Variants in KIAA0232 observed in about 807,000 individuals in gnomAD.
KIAA0232 encodes the protein uncharacterized protein KIAA0232.
Under a neutral mutation model 122.0 loss-of-function variants are expected in KIAA0232, and 27 were observed. The observed-to-expected ratio is 0.22, with a 90% CI of 0.16 to 0.31. The LOEUF (loss-of-function observed/expected upper bound fraction) is 0.31. KIAA0232 is among the 10% of genes least tolerant of loss of function. KIAA0232 has a pLI of 1.00. For synonymous variants in KIAA0232, 613 were observed against 587.6 expected (o/e 1.04, Z -0.63); for missense variants, 1,551 against 1,634.2 (o/e 0.95, Z 0.88).
At chr4:6,787,891 T>C (rs190038762) in intron 1 of KIAA0232, among the ~76,000 whole-genome samples, 85 of 152,342 alleles carry the variant, frequency 5.6e-4, no homozygotes, top group African/African-American at 1.6e-3. Flanking sequence ...TTATGGGCTT[T>C]CTCCTCCCAA....
At chr4:6,845,982 T>G (rs1385006276) in intron 4 of KIAA0232, among the ~76,000 whole-genome samples, 1 of 152,132 alleles carries the variant, frequency 6.6e-6, no homozygotes, top group Admixed American at 6.5e-5. Flanking sequence ...CTTTGATTCT[T>G]TAGGTTATTG....
At position 6,882,645 on chromosome 4, in the gene KIAA0232, TGTGCGCGC is replaced by T. The variant is rs1000911212; in HGVS notation, c.*1689_*1696del. On this transcript the variant is annotated 3_prime_UTR_variant, in exon 10 of 10. Coordinates refer to ENST00000307659, the MANE Select transcript of KIAA0232 (RefSeq NM_014743.3). ...GGGTGGGTGTGTGTGTGTGTGTGTG[TGTGCGCGC>T]GTGCGCGCGCGCATGTGTAAGGTTT... 11 of 152,104 alleles carry T rather than the reference TGTGCGCGC, an allele frequency of 7.2e-5. No individual in the cohort carries two copies. The highest frequency in any genetic ancestry group is 1.5e-4 in the African/African-American group (6 of 41,292). The allele number at this position is 152,104 out of a possible 1,614,324, so 9.4% of individuals were successfully genotyped here.
chr4:6,863,610 C>G lies in KIAA0232; in HGVS notation c.3228C>G (p.Leu1076=). 1 of 1,614,202 alleles carries G rather than the reference C, an allele frequency of 6.2e-7. No individual in the cohort carries two copies. Among genetic ancestry groups the G allele is most frequent in the Non-Finnish European group, 8.5e-7 (1 of 1,180,032 alleles). Residue 1076 remains leucine (L), a synonymous_variant, in exon 7 of 10, where the codon CTC becomes CTG. Coordinates refer to ENST00000307659, the MANE Select transcript of KIAA0232 (RefSeq NM_014743.3). ...CCAGTTTTAAACCGAAATCAATCCT[C>G]TGTTCTGATTCAGACAGTGAAGTGT... The part of the protein sequence containing the change: ...FSPSFKPKSI[L]CSDSDSEVFH...
In KIAA0232 at chr4:6,855,085, A is replaced by AT. The variant is rs996496221; in HGVS notation, c.370-2070dup. On this transcript the variant is annotated intron_variant, in intron 4 of 9. Transcript: ENST00000307659. The surrounding 1 kb of genome is among the most constrained non-coding windows in gnomAD (Gnocchi z 4.3). Reference sequence around the variant, plus strand: ...CATGATTTTTTATTTTTTATTTTTTATTTTTTTTTATTTTTTTGAGACCGA... The same window carrying AT: ...CATGATTTTTTATTTTTTATTTTTTATTTTTTTTTTATTTTTTTGAGACCGA... 1.7e-4 allele frequency among the ~76,000 whole-genome samples: 26 copies of AT among 149,610 alleles called. No homozygotes were observed. The highest frequency in any genetic ancestry group is 5.2e-4 in the African/African-American group (21 of 40,600).
intron 1 of KIAA0232, among the ~76,000 whole-genome samples, chr4:6,802,872 A>G (rs913686457): frequency 1.3e-5 from 2 of 152,014 alleles, no homozygotes; most frequent in Non-Finnish European, 1.5e-5. Flanking sequence ...ATATGAGTGC[A>G]TATAGCTGGG....
intron 3 of KIAA0232, among the ~76,000 whole-genome samples, chr4:6,833,860 C>T (rs879930134): frequency 2.0e-5 from 3 of 152,152 alleles, no homozygotes; most frequent in African/African-American, 4.8e-5. Context: ...ACCAAAAGTT[C>T]CTTTAATACC....
intron 9 of KIAA0232, among the ~76,000 whole-genome samples, chr4:6,879,416 C>A (rs1721934132): frequency 6.6e-6 from 1 of 152,208 alleles, no homozygotes; most frequent in African/African-American, 2.4e-5. Flanking sequence ...CATGATGTCA[C>A]TTTGCTGTTG....
intron 3 of KIAA0232, among the ~76,000 whole-genome samples, chr4:6,838,726 G>GTTT: frequency 8.0e-6 from 1 of 124,256 alleles, no homozygotes; most frequent in South Asian, 2.5e-4. Context: ...TTTCAAAGCA[G>GTTT]CTTTTTTTTT....
chr4:6,820,332 T>C (rs577827820), intron 2 of KIAA0232, among the ~76,000 whole-genome samples: 16 of 152,294 alleles, frequency 1.1e-4, no homozygotes, highest in African/African-American at 3.6e-4. Flanking sequence ...AGCTGGCATG[T>C]TTAGGCTACA....
intron 3 of KIAA0232, among the ~76,000 whole-genome samples, chr4:6,830,169 C>T (rs1277514131): frequency 6.6e-6 from 1 of 152,108 alleles, no homozygotes; most frequent in East Asian, 1.9e-4. Context: ...TTTCCATTCA[C>T]GGTAACTCAT....
intron 2 of KIAA0232, among the ~76,000 whole-genome samples, chr4:6,810,521 A>G (rs1443239318): frequency 6.6e-6 from 1 of 152,208 alleles, no homozygotes; most frequent in Non-Finnish European, 1.5e-5. Context: ...TGATATAGGC[A>G]AAGAATCAGT....
intron 2 of KIAA0232, among the ~76,000 whole-genome samples, chr4:6,810,235 G>A (rs1717816001): frequency 1.3e-5 from 2 of 152,172 alleles, no homozygotes; most frequent in African/African-American, 4.8e-5. Flanking sequence ...TAGATGTATA[G>A]ACAATGGCAC....
intron 4 of KIAA0232, among the ~76,000 whole-genome samples, chr4:6,852,758 G>A (rs146014164): frequency 6.6e-6 from 1 of 152,366 alleles, no homozygotes; most frequent in African/African-American, 2.4e-5. Context: ...TGTGATGGCA[G>A]GTGGAGCTGA....
Position 6,884,051 on chromosome 4 carries a change from GTTTA to G in KIAA0232, c.*3088_*3091del, listed in dbSNP as rs1364633655. ...TTGATAAAACAATGTTTTTTTGGTT[GTTTA>G]TTCAGTATCTGAATAACGTTTCTAT... On this transcript the variant is annotated 3_prime_UTR_variant, in exon 10 of 10. Transcript: ENST00000307659. 2 of 151,924 alleles carry G rather than the reference GTTTA, an allele frequency of 1.3e-5. No individual in the cohort carries two copies. The highest frequency in any genetic ancestry group is 4.8e-5 in the African/African-American group (2 of 41,366). The allele number at this position is 151,924 out of a possible 1,614,324, so 9.4% of individuals were successfully genotyped here. A position where few individuals can be genotyped will look rare whatever the true frequency, so the allele number is the denominator to read the frequency against.
chr4:6,808,461 T>G (rs1400710977), intron 2 of KIAA0232, among the ~76,000 whole-genome samples: 2 of 144,840 alleles, frequency 1.4e-5, no homozygotes, highest in Non-Finnish European at 3.0e-5. Flanking sequence ...CAAGCATGAC[T>G]TGCAGAAGTA....
intron 2 of KIAA0232, among the ~76,000 whole-genome samples, chr4:6,813,597 T>A (rs547963931): frequency 6.6e-6 from 1 of 151,858 alleles, no homozygotes; most frequent in Admixed American, 6.6e-5. Context: ...CTCCTGACCT[T>A]GTGATCCGCC....
intron 7 of KIAA0232, among the ~76,000 whole-genome samples, chr4:6,870,952 C>T (rs1721448299): frequency 6.6e-6 from 1 of 152,166 alleles, no homozygotes; most frequent in Non-Finnish European, 1.5e-5. Context: ...CCTGTATGCA[C>T]TTGGGGAATC....
chr4:6,861,891 A>T lies in KIAA0232; in HGVS notation c.1509A>T (p.Leu503=). The change falls in exon 7 of 10, where the codon CTA becomes CTT. Residue 503 remains leucine (L), a synonymous_variant. Coordinates refer to ENST00000307659, the MANE Select transcript of KIAA0232 (RefSeq NM_014743.3). ...ATAAATACCTGGATGATATTCATCTATCAGAATTAACGCACTTCTATGAAG... is the reference window on the plus strand; with the variant it reads ...ATAAATACCTGGATGATATTCATCTTTCAGAATTAACGCACTTCTATGAAG... The part of the protein sequence containing the change: ...EDNKYLDDIH[L]SELTHFYEVD... The T allele has an allele frequency of 1.2e-6, 2 of 1,614,138 alleles. No homozygotes were observed. The highest frequency in any genetic ancestry group is 1.7e-6 in the Non-Finnish European group (2 of 1,179,982).
chr4:6,876,857 A>C (rs965894380), intron 9 of KIAA0232, 100 bp downstream of exon 9: 9 of 776,050 alleles, frequency 1.2e-5, no homozygotes, highest in East Asian at 2.7e-5. Flanking sequence ...AGTGGACCCC[A>C]CCTCTCCCAG....
Sources: gnomAD v4.1 joint callset for allele counts (sites outside exome capture counted in the v4.1 genomes callset) on GRCh38, gnomAD v4.1.1 for gene constraint, Gnocchi (gnomAD v3.1) non-coding constraint, MANE v1.5 for transcripts, NCBI Gene and HGNC (gene_info 2026-07-23, HGNC 2026-07-21) for gene names.